KCTD16: variants seen among roughly 807,000 people sequenced by gnomAD.
KCTD16 encodes the protein BTB/POZ domain-containing protein KCTD16.
In KCTD16, 13 loss-of-function variants were observed where a neutral mutation model predicts 33.2. That is an observed-to-expected ratio of 0.39 (90% CI 0.25 to 0.62). The LOEUF (loss-of-function observed/expected upper bound fraction) is 0.62. Ranked by LOEUF, KCTD16 falls within the 20% of genes least tolerant of loss-of-function variation. The pLI is 0.50. For synonymous variants in KCTD16, 197 were observed against 195.3 expected (o/e 1.01, Z -0.07); for missense variants, 441 against 525.1 (o/e 0.84, Z 1.57).
chr5:144,418,276 T>C (rs1221741982), intron 3 of KCTD16, among the ~76,000 whole-genome samples: 4 of 151,998 alleles, frequency 2.6e-5, no homozygotes, highest in Non-Finnish European at 5.9e-5. Context: ...GGAGACCGAG[T>C]GGGTTGCCAA....
chr5:144,212,845 C>G (rs1454366936), intron 3 of KCTD16, among the ~76,000 whole-genome samples: 1 of 152,058 alleles, frequency 6.6e-6, no homozygotes, highest in East Asian at 1.9e-4. Flanking sequence ...GCATAATGAA[C>G]TTTCATGTAA....
chr5:144,405,840 C>T (rs1046914558), intron 3 of KCTD16, among the ~76,000 whole-genome samples: 6 of 152,170 alleles, frequency 3.9e-5, no homozygotes, highest in African/African-American at 1.4e-4. Flanking sequence ...GACAGTAGGG[C>T]TCTCTGGGCA....
Position 144,244,833 on chromosome 5 carries a change from T to G in KCTD16, c.832+37287T>G, listed in dbSNP as rs1580816275. Among the ~76,000 whole-genome samples the G allele has an allele frequency of 3.9e-5, 6 of 152,186 alleles. 1 individual carries two copies. Among genetic ancestry groups the G allele is most frequent in the Admixed American group, 3.9e-4 (6 of 15,284 alleles). Reference sequence around the variant, plus strand: ...TCTTAATTGGTAAAAATGAAGCCAGTAACAAATCCCCTCCTAGGATGGTTT... The same window carrying G: ...TCTTAATTGGTAAAAATGAAGCCAGGAACAAATCCCCTCCTAGGATGGTTT... On this transcript the variant is annotated intron_variant, in intron 3 of 3. Coordinates refer to ENST00000512467, the MANE Select transcript of KCTD16 (RefSeq NM_020768.4).
Position 144,207,153 on chromosome 5 carries a change from G to A in KCTD16, c.439G>A (p.Asp147Asn), listed in dbSNP as rs143356794. The change falls in exon 3 of 4, where the codon GAC becomes AAC. Residue 147 changes from aspartate (D) to asparagine (N), a missense_variant. Asp to Asn is a conservative substitution (Grantham distance 23). Transcript: ENST00000512467. ...CTTTGAAGATGCCTCCCAAGGAAGC[G>A]ACACAAGAATCTGCCCCCCTTCCTC... The part of the protein sequence containing the change: ...SDFEDASQGS[D>N]TRICPPSSLL... 13 of 1,611,746 alleles carry A rather than the reference G, an allele frequency of 8.1e-6. No homozygotes were observed. The highest frequency in any genetic ancestry group is 3.3e-4 in the Middle Eastern group (2 of 6,064).
intron 3 of KCTD16, among the ~76,000 whole-genome samples, chr5:144,250,722 T>G (rs1315977860): frequency 6.6e-6 from 1 of 152,182 alleles, no homozygotes; most frequent in East Asian, 1.9e-4. Context: ...CAGAGTTTTT[T>G]GGATAAGATA....
intron 3 of KCTD16, among the ~76,000 whole-genome samples, chr5:144,302,423 A>G (rs550807178): frequency 2.4e-4 from 37 of 152,368 alleles, no homozygotes; most frequent in African/African-American, 8.4e-4. Flanking sequence ...GGAGGATTTT[A>G]TGGCAGGTGG....
chr5:144,305,417 A>G (rs1368120951), intron 3 of KCTD16, among the ~76,000 whole-genome samples: 1 of 152,162 alleles, frequency 6.6e-6, no homozygotes, highest in Non-Finnish European at 1.5e-5. Flanking sequence ...TGCCATAAGA[A>G]TGGGCCCTAA....
intron 3 of KCTD16, among the ~76,000 whole-genome samples, chr5:144,365,543 T>A (rs975075826): frequency 2.0e-4 from 31 of 152,206 alleles, no homozygotes; most frequent in African/African-American, 7.2e-4. Flanking sequence ...ATTACATGCA[T>A]CTTCAGGAAC....
At chr5:144,321,908 A>C (rs1226848587) in intron 3 of KCTD16, among the ~76,000 whole-genome samples, 1 of 152,188 alleles carries the variant, frequency 6.6e-6, no homozygotes, top group African/African-American at 2.4e-5. Context: ...AATTAGCTAT[A>C]TATTTTACCT....
intron 3 of KCTD16, among the ~76,000 whole-genome samples, chr5:144,326,700 A>G (rs1752216256): frequency 6.6e-6 from 1 of 151,792 alleles, no homozygotes. Context: ...CAAAAAAAAA[A>G]GAAAGAAAAG....
At chr5:144,465,181 T>TCCC (rs761142287) in intron 3 of KCTD16, among the ~76,000 whole-genome samples, 3 of 99,498 alleles carry the variant, frequency 3.0e-5, no homozygotes, top group Non-Finnish European at 3.9e-5. Context: ...AGTCTCTCTC[T>TCCC]CCCCCCCCTC....
intron 3 of KCTD16, among the ~76,000 whole-genome samples, chr5:144,443,829 C>T (rs1753763373): frequency 6.6e-6 from 1 of 151,946 alleles, no homozygotes; most frequent in Admixed American, 6.6e-5. Flanking sequence ...TATTTTTACA[C>T]AGTAAGTGAA....
intron 1 of KCTD16, among the ~76,000 whole-genome samples, chr5:144,172,923 A>G (rs978095303): frequency 6.6e-6 from 1 of 152,198 alleles, no homozygotes; most frequent in African/African-American, 2.4e-5. Context: ...ATCAAAAAGG[A>G]TATCCCTTTC....
intron 3 of KCTD16, among the ~76,000 whole-genome samples, chr5:144,317,838 TG>T (rs1751963441): frequency 6.6e-6 from 1 of 152,208 alleles, no homozygotes; most frequent in Admixed American, 6.5e-5. Context: ...ATGCATCACC[TG>T]GATTTGCAAT....
chr5:144,339,215 A>G (rs1022007101), intron 3 of KCTD16, among the ~76,000 whole-genome samples: 12 of 152,192 alleles, frequency 7.9e-5, no homozygotes, highest in African/African-American at 2.9e-4. Context: ...GCAAGTGCCA[A>G]TTTTATTCTC....
At chr5:144,192,284 C>T (rs1038929756) in intron 2 of KCTD16, among the ~76,000 whole-genome samples, 2 of 152,118 alleles carry the variant, frequency 1.3e-5, no homozygotes, top group African/African-American at 2.4e-5. Context: ...CGTCTCAAGT[C>T]GGCTTTGATG....
chr5:144,470,639 C>T (rs1201750830), intron 3 of KCTD16, among the ~76,000 whole-genome samples: 1 of 152,266 alleles, frequency 6.6e-6, no homozygotes, highest in East Asian at 1.9e-4. Flanking sequence ...ATGACAACCT[C>T]CACTAGAATT....
At chr5:144,392,523 G>A (rs934749821) in intron 3 of KCTD16, among the ~76,000 whole-genome samples, 1 of 152,184 alleles carries the variant, frequency 6.6e-6, no homozygotes, top group Non-Finnish European at 1.5e-5. Flanking sequence ...GATGAGAGGT[G>A]GACCTATGTG....
At chr5:144,392,572 C>T (rs1752474267) in intron 3 of KCTD16, among the ~76,000 whole-genome samples, 1 of 152,254 alleles carries the variant, frequency 6.6e-6, no homozygotes, top group African/African-American at 2.4e-5. Flanking sequence ...TGCAGTCATC[C>T]AGGCAAGAAA....
Sources: gnomAD v4.1 joint callset for allele counts (sites outside exome capture counted in the v4.1 genomes callset) on GRCh38, gnomAD v4.1.1 for gene constraint, MANE v1.5 for transcripts, NCBI Gene and HGNC (gene_info 2026-07-23, HGNC 2026-07-21) for gene names.